SF3A2: variants seen among roughly 807,000 people sequenced by gnomAD.
SF3A2 encodes the protein SAP 62.
Under a neutral mutation model 31.1 loss-of-function variants are expected in SF3A2, and 5 were observed. That is an observed-to-expected ratio of 0.16 (90% confidence interval 0.08 to 0.34). SF3A2 has a LOEUF of 0.34. SF3A2 is among the 10% of genes least tolerant of loss of function. The probability of loss-of-function intolerance (pLI) is 1.00; values close to 1 mark genes in which losing one functional copy is unlikely to be tolerated. For synonymous variants in SF3A2, 365 were observed against 263.7 expected (o/e 1.38, Z -3.72); for missense variants, 577 against 643.9 (o/e 0.90, Z 1.13).
chr19:2,248,319 G>A lies in SF3A2; in HGVS notation c.1168G>A (p.Ala390Thr). ...HPAAPAVHPQ[A>T]PGVHPPAPGM... is the part of the protein sequence containing the mutation. The stretch of plus-strand genomic sequence containing the variant: ...AGCAGCCCCCGCCGTTCACCCTCAG[G>A]CCCCAGGGGTGCACCCACCAGCCCC... The change falls in exon 9 of 9, where the codon GCC becomes ACC. Residue 390 changes from alanine (A) to threonine (T), a missense_variant. Coordinates refer to ENST00000221494, the MANE Select transcript of SF3A2 (RefSeq NM_007165.5). The A allele has an allele frequency of 7.2e-7, 1 of 1,390,092 alleles. No individual in the cohort carries two copies. Among genetic ancestry groups the A allele is most frequent in the Non-Finnish European group, 9.3e-7 (1 of 1,076,516 alleles). 86.1% of individuals were successfully genotyped at this position (1,390,092 alleles called of 1,614,324 possible).
intron 7 of SF3A2, chr19:2,247,345 G>A: frequency 1.7e-6 from 1 of 580,154 alleles, no homozygotes; most frequent in East Asian, 2.9e-5. Context: ...GCCTGGACAG[G>A]GCGGCCATCA....
chr19:2,248,016 C>T lies in SF3A2; in HGVS notation c.865C>T (p.Pro289Ser), dbSNP rs768182380. ...QLPPPAPGVH[P>S]PAPVVHPPAS... Reference sequence around the variant, plus strand: ...ACCCCCGCCAGCTCCAGGGGTCCACCCCCCGGCCCCAGTGGTGCATCCCCC... The same window carrying T: ...ACCCCCGCCAGCTCCAGGGGTCCACTCCCCGGCCCCAGTGGTGCATCCCCC... The change falls in exon 9 of 9, where the codon CCC becomes TCC. Residue 289 changes from proline (P) to serine (S), a missense_variant. By Grantham distance (74) the Pro-to-Ser change is moderately conservative. Transcript: ENST00000221494. The T allele has an allele frequency of 9.4e-6, 9 of 957,170 alleles. No individual in the cohort carries two copies. The highest frequency in any genetic ancestry group is 6.5e-5 in the African/African-American group (4 of 61,232). The allele number at this position is 957,170 out of a possible 1,614,324, so 59.3% of individuals were successfully genotyped here. A position where few individuals can be genotyped will look rare whatever the true frequency, so the allele number is the denominator to read the frequency against.
chr19:2,238,243 C>T (rs536432574), intron 1 of SF3A2, among the ~76,000 whole-genome samples: 50 of 152,268 alleles, frequency 3.3e-4, no homozygotes, highest in African/African-American at 1.1e-3. Context: ...AGGCTGGTCT[C>T]GAACTCCTGA....
chr19:2,246,858 T>C lies in SF3A2; in HGVS notation c.406-24T>C. On this transcript the variant is annotated intron_variant, in intron 6 of 8. Coordinates refer to ENST00000221494, the MANE Select transcript of SF3A2 (RefSeq NM_007165.5). This position sits in a 1 kb window ranked among gnomAD's most constrained non-coding sequence, Gnocchi z 5.5. Reference sequence around the variant, plus strand: ...GCCAAAGGCACCCAAGAGGCGGCTCTGCCACCCGGCCGTGTCCCTGCAGAT... The same window carrying C: ...GCCAAAGGCACCCAAGAGGCGGCTCCGCCACCCGGCCGTGTCCCTGCAGAT... 1.2e-6 allele frequency: 2 copies of C among 1,612,982 alleles called. No homozygotes were observed. Among genetic ancestry groups the C allele is most frequent in the Non-Finnish European group, 1.7e-6 (2 of 1,179,662 alleles).
intron 8 of SF3A2, 24 bp from the exon 9 acceptor site, chr19:2,247,743 C>T: frequency 6.2e-7 from 1 of 1,612,034 alleles, no homozygotes. Context: ...CCCGTGCCTG[C>T]TGAACCTTTC....
At chr19:2,239,344 G>A (rs58777702) in intron 1 of SF3A2, among the ~76,000 whole-genome samples, 4 of 130,510 alleles carry the variant, frequency 3.1e-5, no homozygotes, top group African/African-American at 8.9e-5. Flanking sequence ...GCGACAGAGC[G>A]AGAATCCGTC....
chr19:2,248,627 G>T lies in SF3A2; in HGVS notation c.*81G>T. The T allele has an allele frequency of 2.4e-6, 1 of 417,406 alleles. No homozygotes were observed. The highest frequency in any genetic ancestry group is 4.2e-6 in the Non-Finnish European group (1 of 238,618). 25.9% of individuals were successfully genotyped at this position (417,406 alleles called of 1,614,324 possible). A position where few individuals can be genotyped will look rare whatever the true frequency, so the allele number is the denominator to read the frequency against. On this transcript the variant is annotated 3_prime_UTR_variant, in exon 9 of 9. Coordinates refer to ENST00000221494, the MANE Select transcript of SF3A2 (RefSeq NM_007165.5). ...TGAGAGAAGGCTGCTCTTTTGTACT[G>T]CCCCCCGCTCATTAAACAGCCTCCC...
chr19:2,244,080 G>A (rs547480615), intron 2 of SF3A2, among the ~76,000 whole-genome samples: 6 of 152,364 alleles, frequency 3.9e-5, no homozygotes, highest in Non-Finnish European at 5.9e-5. Flanking sequence ...GACGAGATGT[G>A]TGCGCCCGGC....
intron 1 of SF3A2, among the ~76,000 whole-genome samples, chr19:2,239,343 C>T (rs934763613): frequency 3.3e-5 from 4 of 122,182 alleles, no homozygotes; most frequent in Admixed American, 1.0e-4. Context: ...GGCGACAGAG[C>T]GAGAATCCGT....
intron 1 of SF3A2, among the ~76,000 whole-genome samples, chr19:2,241,179 G>A (rs770296075): frequency 7.9e-5 from 12 of 152,266 alleles, no homozygotes; most frequent in Non-Finnish European, 1.5e-4. Flanking sequence ...TCGTCCTCCC[G>A]GGAGAGGGGA....
intron 7 of SF3A2, 29 bp from the exon 8 acceptor site, chr19:2,247,565 G>A: frequency 1.2e-6 from 2 of 1,611,680 alleles, no homozygotes; most frequent in Non-Finnish European, 1.7e-6. Context: ...ACAGGGACCA[G>A]GAGCCCTCTC....
intron 1 of SF3A2, among the ~76,000 whole-genome samples, chr19:2,242,404 G>A (rs538321723): frequency 1.3e-5 from 2 of 152,262 alleles, no homozygotes; most frequent in South Asian, 4.1e-4. Context: ...TTGCCTCGGG[G>A]CCCCTTCCTC....
In SF3A2 at chr19:2,247,682, C is replaced by G; in HGVS notation, c.615+20C>G. The G allele has an allele frequency of 6.2e-7, 1 of 1,612,680 alleles. No individual in the cohort carries two copies. On this transcript the variant is annotated intron_variant, in intron 8 of 8. Transcript: ENST00000221494. The stretch of plus-strand genomic sequence containing the variant: ...AAGCAGGTGAGTGGCTCGCCCCGAG[C>G]CTGGCTCCTTCCCACCCAGCCCTGG...
Position 2,248,613 on chromosome 19 carries a change from T to G in SF3A2, c.*67T>G. Reference sequence around the variant, plus strand: ...TTGCCTTTTCCCACTGAGAGAAGGCTGCTCTTTTGTACTGCCCCCCGCTCA... The same window carrying G: ...TTGCCTTTTCCCACTGAGAGAAGGCGGCTCTTTTGTACTGCCCCCCGCTCA... On this transcript the variant is annotated 3_prime_UTR_variant, in exon 9 of 9. Coordinates refer to ENST00000221494, the MANE Select transcript of SF3A2 (RefSeq NM_007165.5). 1 of 435,782 alleles carries G rather than the reference T, an allele frequency of 2.3e-6. No homozygotes were observed. The allele number at this position is 435,782 out of a possible 1,614,324, so 27.0% of individuals were successfully genotyped here. A position where few individuals can be genotyped will look rare whatever the true frequency, so the allele number is the denominator to read the frequency against.
chr19:2,247,478 T>A, intron 7 of SF3A2, 116 bp from the exon 8 acceptor site: 1 of 1,021,736 alleles, frequency 9.8e-7, no homozygotes, highest in South Asian at 1.4e-5. Context: ...ACCAGCCTTC[T>A]CCTGGGCTCC....
At position 2,247,940 on chromosome 19, in the gene SF3A2, C is replaced by T; in HGVS notation, c.789C>T (p.Pro263=). The change falls in exon 9 of 9, where the codon CCC becomes CCT. Residue 263 remains proline (P), a synonymous_variant. Transcript: ENST00000221494. ...PPPPGGLPLP[P]MPPTGPAPSG... ...CGCCAGGAGGCCTGCCTCTGCCACC[C>T]ATGCCCCCCACAGGGCCTGCGCCCT... is the stretch of plus-strand genomic sequence containing the variant. 1 of 1,495,882 alleles carries T rather than the reference C, an allele frequency of 6.7e-7. No homozygotes were observed. Among genetic ancestry groups the T allele is most frequent in the Non-Finnish European group, 9.1e-7 (1 of 1,094,144 alleles). The allele number at this position is 1,495,882 out of a possible 1,614,324, so 92.7% of individuals were successfully genotyped here.
At position 2,247,101 on chromosome 19, in the gene SF3A2, CCTCCCATCGGG is replaced by C. The variant is rs1319572712; in HGVS notation, c.546+82_546+92del. On this transcript the variant is annotated intron_variant, in intron 7 of 8. Transcript: ENST00000221494. ...ATCTGCATAGGCTGGGCAGGATGCCCCTCCCATCGGGCTTGGGGTCCCCTGGGCCCCCCCCA... is the reference window on the plus strand; with the variant it reads ...ATCTGCATAGGCTGGGCAGGATGCCCCTTGGGGTCCCCTGGGCCCCCCCCA... 16 of 1,547,440 alleles carry C rather than the reference CCTCCCATCGGG, an allele frequency of 1.0e-5. No homozygotes were observed. The East Asian group carries it at 3.3e-4, about 31-fold the overall frequency.
chr19:2,247,942 T>C lies in SF3A2; in HGVS notation c.791T>C (p.Met264Thr). Reference sequence around the variant, plus strand: ...CCAGGAGGCCTGCCTCTGCCACCCATGCCCCCCACAGGGCCTGCGCCCTCA... The same window carrying C: ...CCAGGAGGCCTGCCTCTGCCACCCACGCCCCCCACAGGGCCTGCGCCCTCA... ...PPPGGLPLPP[M>T]PPTGPAPSGP... The change falls in exon 9 of 9, where the codon ATG (methionine) becomes ACG (threonine). Residue 264 changes from methionine to threonine, a missense_variant. This residue lies in a region of SF3A2 where 462 missense variants were observed against 339.1 expected (regional missense o/e 1.36). Transcript: ENST00000221494. The C allele has an allele frequency of 6.8e-7, 1 of 1,468,490 alleles. No homozygotes were observed. Among genetic ancestry groups the C allele is most frequent in the Non-Finnish European group, 9.3e-7 (1 of 1,074,292 alleles). The allele number at this position is 1,468,490 out of a possible 1,614,324, so 91.0% of individuals were successfully genotyped here. A position where few individuals can be genotyped will look rare whatever the true frequency, so the allele number is the denominator to read the frequency against.
chr19:2,239,821 G>A (rs1381643425), intron 1 of SF3A2, among the ~76,000 whole-genome samples: 1 of 152,042 alleles, frequency 6.6e-6, no homozygotes, highest in Non-Finnish European at 1.5e-5. Context: ...CTCTGGTATG[G>A]AATTTTTTGT....
Sources: gnomAD v4.1 joint callset for allele counts (sites outside exome capture counted in the v4.1 genomes callset) on GRCh38, gnomAD v4.1.1 for gene constraint, gnomAD v4.1.1 regional missense constraint, Gnocchi (gnomAD v3.1) non-coding constraint, MANE v1.5 for transcripts, NCBI Gene and HGNC (gene_info 2026-07-23, HGNC 2026-07-21) for gene names.